The following ITGA11 variants were observed in gnomAD, a reference collection of about 807,000 sequenced individuals.
ITGA11 encodes the protein integrin subunit alpha 11.
In ITGA11, 97 loss-of-function variants were observed where a neutral mutation model predicts 141.9. The ratio of observed to expected loss-of-function variants is 0.68; its 90% CI spans 0.58 to 0.81. The LOEUF (loss-of-function observed/expected upper bound fraction) is 0.81, where lower values mean the gene tolerates loss of function less well. Ranked by LOEUF, ITGA11 falls within the 30% of genes least tolerant of loss-of-function variation. The pLI is 0.00. For synonymous variants in ITGA11, 658 were observed against 624.6 expected, an observed-to-expected ratio of 1.05 and a Z score of -0.80; for missense variants, 1,387 against 1,559.2, an observed-to-expected ratio of 0.89 and a Z score of 1.86.
intron 1 of ITGA11, among the ~76,000 whole-genome samples, chr15:68,403,264 A>G (rs1896556343): frequency 6.6e-6 from 1 of 152,086 alleles, no homozygotes; most frequent in Admixed American, 6.5e-5. Context: ...GGAGCCTGAT[A>G]TGGTTTCAAT....
intron 2 of ITGA11, among the ~76,000 whole-genome samples, chr15:68,387,446 G>A (rs1304538099): frequency 6.6e-6 from 1 of 152,162 alleles, no homozygotes; most frequent in Non-Finnish European, 1.5e-5. Context: ...CACATTCCCA[G>A]GCCTCACTCA....
intron 1 of ITGA11, among the ~76,000 whole-genome samples, chr15:68,424,664 G>A (rs1229835231): frequency 1.3e-5 from 2 of 152,190 alleles, no homozygotes; most frequent in Non-Finnish European, 2.9e-5. Flanking sequence ...CGAAGCCCAT[G>A]TGGGCAGGTG....
At chr15:68,424,967 A>G (rs1459911534) in intron 1 of ITGA11, among the ~76,000 whole-genome samples, 1 of 152,314 alleles carries the variant, frequency 6.6e-6, no homozygotes, top group East Asian at 1.9e-4. Context: ...CTCTGTGTAC[A>G]TCAGTGTTTG....
intron 1 of ITGA11, among the ~76,000 whole-genome samples, chr15:68,426,044 G>A (rs1897135028): frequency 6.6e-6 from 1 of 152,232 alleles, no homozygotes; most frequent in Admixed American, 6.5e-5. Context: ...AGCAACAAGG[G>A]CTGGGGTAGG....
intron 22 of ITGA11, among the ~76,000 whole-genome samples, chr15:68,315,316 G>A (rs1469255104): frequency 6.6e-6 from 1 of 152,230 alleles, no homozygotes; most frequent in African/African-American, 2.4e-5. Context: ...AGGGGCCTCT[G>A]TGAGGACTGA....
rs1432788353 is a variant in ITGA11 at position 68,326,617 on chromosome 15, A to G, written c.2211+37T>C. 54 of 1,556,512 alleles carry G rather than the reference A, an allele frequency of 3.5e-5. No individual in the cohort carries two copies. Among genetic ancestry groups the G allele is most frequent in the Non-Finnish European group, 4.5e-5 (52 of 1,149,528 alleles). ...TCCCACGGCAGATGCTCCTTCCTAT[A>G]GGAGCTTGGGCTCTGCTGGTGGGGC... On this transcript the variant is annotated intron_variant, in intron 17 of 29. Coordinates refer to ENST00000315757, the MANE Select transcript of ITGA11 (RefSeq NM_001004439.2). This position sits in a 1 kb window ranked among gnomAD's most constrained non-coding sequence, Gnocchi z 6.8.
rs1897007341 is a variant in ITGA11 at position 68,421,032 on chromosome 15, T to TGCAAA, written c.52+10982_52+10983insTTTGC. 2.2e-4 allele frequency among the ~76,000 whole-genome samples: 2 copies of TGCAAA among 9,134 alleles called. 1 individual carries two copies. Among genetic ancestry groups the TGCAAA allele is most frequent in the Non-Finnish European group, 4.6e-4 (2 of 4,366 alleles). The allele number at this position is 9,134 out of a possible 152,430, so 6.0% of individuals were successfully genotyped here. A position where few individuals can be genotyped will look rare whatever the true frequency, so the allele number is the denominator to read the frequency against. Reference sequence around the variant, plus strand: ...AGGTTTGGTGGGCAGGATGCCGGAGTGTGTGCTGTGAGGAATGGTAAGAAC... The same window carrying TGCAAA: ...AGGTTTGGTGGGCAGGATGCCGGAGTGCAAAGTGTGCTGTGAGGAATGGTAAGAAC... On this transcript the variant is annotated intron_variant, in intron 1 of 29. Coordinates refer to ENST00000315757, the MANE Select transcript of ITGA11 (RefSeq NM_001004439.2).
At chr15:68,379,070 A>G (rs943014964) in intron 2 of ITGA11, among the ~76,000 whole-genome samples, 1 of 152,194 alleles carries the variant, frequency 6.6e-6, no homozygotes, top group Non-Finnish European at 1.5e-5. Flanking sequence ...TGCCATTTAC[A>G]GTGTCTGACA....
intron 1 of ITGA11, among the ~76,000 whole-genome samples, chr15:68,421,572 C>A (rs1190391410): frequency 1.3e-5 from 2 of 152,066 alleles, no homozygotes; most frequent in African/African-American, 4.8e-5. Context: ...GGCCACAGGC[C>A]ATGGGAGCTT....
rs1893264014 is a variant in ITGA11, at chr15:68,308,261, G to A, written c.3175-565C>T. ...TAGTTTGAGGCACTAAGAAAGATAA[G>A]ACATCAGTTTGAAAAGAGCCCCTAT... is the stretch of plus-strand genomic sequence containing the variant. On this transcript the variant is annotated intron_variant, in intron 26 of 29. Transcript: ENST00000315757. The surrounding 1 kb of genome is among the most constrained non-coding windows in gnomAD (Gnocchi z 5.2). 6.6e-6 allele frequency among the ~76,000 whole-genome samples: 1 copy of A among 152,132 alleles called. No individual in the cohort carries two copies. Among genetic ancestry groups the A allele is most frequent in the Non-Finnish European group, 1.5e-5 (1 of 68,022 alleles).
At chr15:68,330,729 A>G (rs1894129829) in intron 15 of ITGA11, among the ~76,000 whole-genome samples, 1 of 152,214 alleles carries the variant, frequency 6.6e-6, no homozygotes. Context: ...AGTGGAAGAC[A>G]TGCTTGAGTA....
chr15:68,370,625 C>G (rs1216100773), intron 2 of ITGA11, among the ~76,000 whole-genome samples: 1 of 152,230 alleles, frequency 6.6e-6, no homozygotes, highest in Non-Finnish European at 1.5e-5. Flanking sequence ...AGAACGGTAA[C>G]CCTTCCCAGG....
At position 68,402,703 on chromosome 15, in the gene ITGA11, G is replaced by A. The variant is rs562593246; in HGVS notation, c.164+215C>T. 1.1e-4 allele frequency among the ~76,000 whole-genome samples: 16 copies of A among 152,342 alleles called. No individual in the cohort carries two copies. The East Asian group carries it at 2.9e-3, about 28-fold the overall frequency. ...GCTCGTTCATTCCCATTTCACAGAT[G>A]AGAAGATACAGGGCTTGAGAAATTG... On this transcript the variant is annotated intron_variant, in intron 2 of 29. Coordinates refer to ENST00000315757, the MANE Select transcript of ITGA11 (RefSeq NM_001004439.2).
chr15:68,349,604 C>T (rs1396916439), intron 9 of ITGA11, among the ~76,000 whole-genome samples: 1 of 152,182 alleles, frequency 6.6e-6, no homozygotes, highest in Admixed American at 6.5e-5. Context: ...GTGTCTGTGG[C>T]TTGTCATTTC....
chr15:68,425,253 G>A (rs1442625476), intron 1 of ITGA11, among the ~76,000 whole-genome samples: 1 of 152,224 alleles, frequency 6.6e-6, no homozygotes, highest in Non-Finnish European at 1.5e-5. Context: ...GTGGCTGAGG[G>A]CCTCATGTTC....
Position 68,330,964 on chromosome 15 carries a change from A to G in ITGA11, c.1901+17T>C. ...TTTCAGGAGAGCCCAGGAGGTGGGA[A>G]CAGCGGGGGAACCAACCACAGAATC... On this transcript the variant is annotated intron_variant, in intron 15 of 29. Coordinates refer to ENST00000315757, the MANE Select transcript of ITGA11 (RefSeq NM_001004439.2). 1.2e-6 allele frequency: 2 copies of G among 1,613,766 alleles called. No homozygotes were observed. Among genetic ancestry groups the G allele is most frequent in the Non-Finnish European group, 1.7e-6 (2 of 1,179,744 alleles).
rs142884211 is a variant in ITGA11, at chr15:68,405,463, G to A, written c.53-2434C>T. 2.1e-3 allele frequency among the ~76,000 whole-genome samples: 314 copies of A among 152,230 alleles called. 1 individual carries two copies. The highest frequency in any genetic ancestry group is 7.1e-3 in the African/African-American group (296 of 41,536). On this transcript the variant is annotated intron_variant, in intron 1 of 29. Transcript: ENST00000315757. The stretch of plus-strand genomic sequence containing the variant: ...ATGTAGCTGCCCACTCTATCGTCAC[G>A]ATTCCTAATCTCCCACATGAATTTA...
chr15:68,329,101 A>T (rs1450215265), intron 15 of ITGA11, among the ~76,000 whole-genome samples: 1 of 152,208 alleles, frequency 6.6e-6, no homozygotes, highest in Non-Finnish European at 1.5e-5. Context: ...CATAAAGGTG[A>T]ACAGCACCTC....
chr15:68,399,977 A>G (rs1042194590), intron 2 of ITGA11, among the ~76,000 whole-genome samples: 3 of 152,156 alleles, frequency 2.0e-5, no homozygotes, highest in African/African-American at 7.2e-5. Context: ...AAAAGAAGAG[A>G]AAACCAAATA....
Sources: gnomAD v4.1 joint callset for allele counts (sites outside exome capture counted in the v4.1 genomes callset) on GRCh38, gnomAD v4.1.1 for gene constraint, Gnocchi (gnomAD v3.1) non-coding constraint, MANE v1.5 for transcripts, NCBI Gene and HGNC (gene_info 2026-07-23, HGNC 2026-07-21) for gene names.